Variants in SLC9A2 observed in about 807,000 individuals in gnomAD.
SLC9A2 encodes the protein solute carrier family 9 member A2.
Under a neutral mutation model 71.7 loss-of-function variants are expected in SLC9A2, and 42 were observed. The observed-to-expected ratio is 0.59, with a 90% CI of 0.46 to 0.76. SLC9A2 has a LOEUF of 0.76. SLC9A2 is among the 30% of genes least tolerant of loss of function. SLC9A2 has a pLI of 0.00. For missense variants in SLC9A2, 829 were observed against 1,017.4 expected, an observed-to-expected ratio of 0.81 and a Z score of 2.52; for synonymous variants, 396 against 392.5, an observed-to-expected ratio of 1.01 and a Z score of -0.10.
At chr2:102,637,280 C>G (rs764388121) in intron 1 of SLC9A2, among the ~76,000 whole-genome samples, 16 of 152,232 alleles carry the variant, frequency 1.1e-4, no homozygotes, top group Admixed American at 5.2e-4. Flanking sequence ...CTGTTTCCCA[C>G]CTGGCTGTAT....
intron 11 of SLC9A2, among the ~76,000 whole-genome samples, chr2:102,706,913 C>T (rs1677990416): frequency 6.6e-6 from 1 of 152,140 alleles, no homozygotes; most frequent in Middle Eastern, 3.2e-3. Context: ...ACACCGAAGC[C>T]ATTGTCTGTG....
chr2:102,705,785 C>T, intron 10 of SLC9A2, 61 bp from the exon 11 acceptor site: 2 of 988,970 alleles, frequency 2.0e-6, no homozygotes, highest in Non-Finnish European at 3.0e-6. Flanking sequence ...AATTTTTAAT[C>T]TTTAATATAC....
chr2:102,623,662 A>C (rs984384807), intron 1 of SLC9A2, among the ~76,000 whole-genome samples: 1 of 152,204 alleles, frequency 6.6e-6, no homozygotes, highest in Non-Finnish European at 1.5e-5. Flanking sequence ...TGAGCTGTGC[A>C]GGTGGATATG....
At chr2:102,655,908 A>C (rs1573410587) in intron 1 of SLC9A2, among the ~76,000 whole-genome samples, 1 of 152,218 alleles carries the variant, frequency 6.6e-6, no homozygotes. Context: ...AGAAGAGCAA[A>C]CCAGCCAGCA....
chr2:102,621,883 G>A (rs894829849), intron 1 of SLC9A2, among the ~76,000 whole-genome samples: 2 of 152,200 alleles, frequency 1.3e-5, no homozygotes, highest in African/African-American at 4.8e-5. Context: ...ACATTCCAGA[G>A]AGGACTGAAC....
rs1255274953 is a variant in SLC9A2 at position 102,619,789 on chromosome 2, G to T, written c.-60G>T. On this transcript the variant is annotated 5_prime_UTR_variant, in exon 1 of 12. Transcript: ENST00000233969. This position sits in a 1 kb window ranked among gnomAD's most constrained non-coding sequence, Gnocchi z 4.3. ...GGAGCGGGCTGAGCAGCCCGGGCGCGATGCGTTGAGCGCTCGGAGGGCCAA... is the reference window on the plus strand; with the variant it reads ...GGAGCGGGCTGAGCAGCCCGGGCGCTATGCGTTGAGCGCTCGGAGGGCCAA... 12 of 1,414,058 alleles carry T rather than the reference G, an allele frequency of 8.5e-6. No individual in the cohort carries two copies. Among genetic ancestry groups the T allele is most frequent in the African/African-American group, 1.5e-5 (1 of 68,046 alleles). The allele number at this position is 1,414,058 out of a possible 1,614,324, so 87.6% of individuals were successfully genotyped here.
At chr2:102,666,941 C>T (rs74386742) in intron 3 of SLC9A2, among the ~76,000 whole-genome samples, 1,669 of 152,148 alleles carry the variant, frequency 0.011, 32 homozygotes, top group African/African-American at 0.035. Flanking sequence ...TTTTCTCTTC[C>T]GATCTGATTA....
At chr2:102,690,313 G>A (rs4851633) in intron 5 of SLC9A2, among the ~76,000 whole-genome samples, 101,048 of 151,804 alleles carry the variant, frequency 0.67, 34,028 homozygotes, top group East Asian at 0.85. Context: ...TAGTGACGCC[G>A]TGATGAGTGG....
chr2:102,670,600 A>C (rs1334896798), intron 3 of SLC9A2, among the ~76,000 whole-genome samples: 1 of 33,364 alleles, frequency 3.0e-5, no homozygotes, highest in Non-Finnish European at 5.4e-5. Flanking sequence ...TCCCCCCACC[A>C]AAAAAAAAAA....
At chr2:102,668,621 T>C (rs570202694) in intron 3 of SLC9A2, among the ~76,000 whole-genome samples, 2 of 152,368 alleles carry the variant, frequency 1.3e-5, no homozygotes, top group East Asian at 1.9e-4. Context: ...GTACTGAGAA[T>C]GCTCAGGACT....
chr2:102,627,186 G>A (rs1441511492), intron 1 of SLC9A2, among the ~76,000 whole-genome samples: 1 of 152,096 alleles, frequency 6.6e-6, no homozygotes, highest in Non-Finnish European at 1.5e-5. Flanking sequence ...TTGGTGGCCT[G>A]TGCCTTTAGT....
chr2:102,651,846 G>C (rs1044383925), intron 1 of SLC9A2, among the ~76,000 whole-genome samples: 1 of 152,052 alleles, frequency 6.6e-6, no homozygotes, highest in Admixed American at 6.5e-5. Context: ...CCTTTTTCTC[G>C]ATCATATATA....
intron 9 of SLC9A2, 34 bp from the exon 10 acceptor site, chr2:102,704,510 G>T (rs766989931): frequency 6.3e-7 from 1 of 1,595,438 alleles, no homozygotes; most frequent in Admixed American, 1.7e-5. Flanking sequence ...TTTTGTTTTT[G>T]TTTTTTAATG....
intron 5 of SLC9A2, among the ~76,000 whole-genome samples, chr2:102,689,207 G>A (rs12465392): frequency 0.61 from 92,779 of 151,952 alleles, 28,659 homozygotes; most frequent in East Asian, 0.85. Context: ...AGGGACCCGC[G>A]ATGGATGTCT....
chr2:102,691,227 G>A (rs994971755), intron 5 of SLC9A2, among the ~76,000 whole-genome samples: 4 of 152,180 alleles, frequency 2.6e-5, no homozygotes, highest in African/African-American at 9.7e-5. Flanking sequence ...GAATGAACTG[G>A]TGAAAATTTA....
At chr2:102,647,283 GT>G (rs1453356158) in intron 1 of SLC9A2, among the ~76,000 whole-genome samples, 1 of 152,138 alleles carries the variant, frequency 6.6e-6, no homozygotes, top group South Asian at 2.1e-4. Flanking sequence ...AAATAAATAA[GT>G]TCTTTGAAAC....
intron 1 of SLC9A2, among the ~76,000 whole-genome samples, chr2:102,656,077 C>T (rs977750527): frequency 6.6e-6 from 1 of 152,240 alleles, no homozygotes; most frequent in African/African-American, 2.4e-5. Flanking sequence ...GTAGCATTCT[C>T]ATATTCTGCT....
chr2:102,671,814 A>G (rs1573419251), intron 3 of SLC9A2, among the ~76,000 whole-genome samples: 1 of 152,206 alleles, frequency 6.6e-6, no homozygotes, highest in East Asian at 1.9e-4. Context: ...AGTTTAAAAT[A>G]CACAGCAGAG....
chr2:102,646,316 AAGGAAAAACCAGTAC>A (rs1676723067), intron 1 of SLC9A2, among the ~76,000 whole-genome samples: 1 of 152,336 alleles, frequency 6.6e-6, no homozygotes, highest in Admixed American at 6.5e-5. Context: ...TAAATATGGA[AAGGAAAAACCAGTAC>A]AGGCCACTGC....
Sources: allele counts gnomAD v4.1 joint callset (sites outside exome capture counted in the v4.1 genomes callset), GRCh38; gene constraint gnomAD v4.1.1; non-coding constraint Gnocchi (gnomAD v3.1); transcripts MANE v1.5; gene names NCBI Gene and HGNC (gene_info 2026-07-23, HGNC 2026-07-21).